Variants in XRCC6 observed in about 807,000 individuals in gnomAD.
The protein encoded by XRCC6 is DNA repair protein Ku70.
A neutral mutation model predicts 65.7 loss-of-function variants in XRCC6; 5 were observed. The observed-to-expected ratio is 0.08, with a 90% confidence interval of 0.04 to 0.16. The LOEUF is 0.16. Among genes scored for constraint, XRCC6 ranks in the 10% least tolerant of loss-of-function variants. XRCC6 has a pLI of 1.00. For missense variants in XRCC6, 447 were observed against 738.1 expected, an observed-to-expected ratio of 0.61 and a Z score of 4.57; for synonymous variants, 270 against 270.6, an observed-to-expected ratio of 1.00 and a Z score of 0.02.
chr22:41,630,408 C>T (rs1039908578), intron 3 of XRCC6, among the ~76,000 whole-genome samples: 2 of 151,830 alleles, frequency 1.3e-5, no homozygotes, highest in African/African-American at 4.8e-5. Context: ...CTATGCCTGG[C>T]ACATTGTGAA....
intron 2 of XRCC6, among the ~76,000 whole-genome samples, chr22:41,625,733 G>A (rs556748429): frequency 1.2e-3 from 190 of 152,290 alleles, no homozygotes; most frequent in African/African-American, 4.2e-3. Context: ...GGGAGGCCAC[G>A]GCAGAGGATC....
rs571783595 is a variant in XRCC6, at chr22:41,630,590, C to T, written c.195+2360C>T. Among the ~76,000 whole-genome samples, 1,091 of 150,126 alleles carry T rather than the reference C, an allele frequency of 7.3e-3. 19 individuals carry two copies. The highest frequency in any genetic ancestry group is 0.026 in the African/African-American group (1,044 of 40,698). On this transcript the variant is annotated intron_variant, in intron 3 of 12. Transcript: ENST00000360079. ...CATAGGACAATAGTGGAGGGAAGGT[C>T]AGCAGATAAACAAGTGAACAAAGGT...
chr22:41,661,542 C>A (rs978577672), intron 12 of XRCC6, 98 bp downstream of exon 12: 2 of 1,040,948 alleles, frequency 1.9e-6, no homozygotes, highest in Admixed American at 2.6e-5. Context: ...TATCTATTCA[C>A]AGTCTAGTTA....
chr22:41,638,157 A>G (rs1353093461), intron 6 of XRCC6, among the ~76,000 whole-genome samples: 1 of 152,100 alleles, frequency 6.6e-6, no homozygotes, highest in East Asian at 1.9e-4. Context: ...CTGGCATGAT[A>G]TTTCTCTAAA....
chr22:41,621,988 A>G lies in XRCC6; in HGVS notation c.-15-2A>G, dbSNP rs2067612474. 2 of 1,614,150 alleles carry G rather than the reference A, an allele frequency of 1.2e-6. No homozygotes were observed. The highest frequency in any genetic ancestry group is 8.5e-7 in the Non-Finnish European group (1 of 1,179,940). On this transcript the variant is annotated splice_acceptor_variant, in intron 1 of 12. Transcript: ENST00000360079. LOFTEE classifies it low-confidence loss of function (5UTR_SPLICE). ...TTACTGACGTTAACGTCTTTCGCCT[A>G]GTGAGCAGTAGCCAACATGTCAGGG...
intron 6 of XRCC6, among the ~76,000 whole-genome samples, chr22:41,638,436 A>G (rs985973235): frequency 6.6e-6 from 1 of 152,106 alleles, no homozygotes; most frequent in Non-Finnish European, 1.5e-5. Flanking sequence ...ACTGTAGGCA[A>G]TGGTAAGTAT....
chr22:41,643,681 C>T (rs904310689), intron 6 of XRCC6, among the ~76,000 whole-genome samples: 12 of 151,890 alleles, frequency 7.9e-5, no homozygotes, highest in Admixed American at 5.9e-4. Context: ...ATTAGCTGGG[C>T]GTGGTGGTGG....
intron 2 of XRCC6, among the ~76,000 whole-genome samples, chr22:41,627,147 GC>G (rs1417945405): frequency 4.6e-5 from 7 of 152,288 alleles, no homozygotes; most frequent in African/African-American, 9.6e-5. Flanking sequence ...AAGCATCTTG[GC>G]TCTTCAGAAG....
rs541803492 is a variant in XRCC6, at chr22:41,660,594, T to C, written c.1523-737T>C. Among the ~76,000 whole-genome samples, 126 of 152,220 alleles carry C rather than the reference T, an allele frequency of 8.3e-4. 2 individuals carry two copies. Among genetic ancestry groups the C allele is most frequent in the African/African-American group, 2.7e-3 (112 of 41,552 alleles). On this transcript the variant is annotated intron_variant, in intron 11 of 12. Transcript: ENST00000360079. Reference sequence around the variant, plus strand: ...TCCATGACCTCATCATACCCATCTTTCTCACCTCTCTGCTGGCCCTGTCCT... The same window carrying C: ...TCCATGACCTCATCATACCCATCTTCCTCACCTCTCTGCTGGCCCTGTCCT...
Position 41,637,769 on chromosome 22 carries a change from A to T in XRCC6, c.751A>T (p.Thr251Ser). The change falls in exon 6 of 13, where the codon ACC becomes TCC. Residue 251 changes from threonine (T) to serine (S), a missense_variant. This residue lies in a region of XRCC6 where 228 missense variants were observed against 307.4 expected (regional missense o/e 0.74). Coordinates refer to ENST00000360079, the MANE Select transcript of XRCC6 (RefSeq NM_001469.5). ...GTTGCGGAAGGTTCGCGCCAAGGAG[A>T]CCAGGAAGCGAGCACTCAGCAGGTG... ...DLLRKVRAKE[T>S]RKRALSRLKL... 3.1e-6 allele frequency: 5 copies of T among 1,613,910 alleles called. No individual in the cohort carries two copies. The highest frequency in any genetic ancestry group is 3.4e-6 in the Non-Finnish European group (4 of 1,179,928).
At chr22:41,652,248 CTT>C (rs2068006785) in intron 8 of XRCC6, among the ~76,000 whole-genome samples, 2 of 26,046 alleles carry the variant, frequency 7.7e-5, no homozygotes, top group Non-Finnish European at 3.6e-4. Flanking sequence ...TAGACCCTAT[CTT>C]CTTTTGTGCT....
chr22:41,637,285 A>G (rs1424701961), intron 5 of XRCC6, among the ~76,000 whole-genome samples: 1 of 152,026 alleles, frequency 6.6e-6, no homozygotes, highest in African/African-American at 2.4e-5. Context: ...GGGTTTCACC[A>G]CGTTGACCAG....
chr22:41,662,485 C>T (rs1258675923), intron 12 of XRCC6, among the ~76,000 whole-genome samples: 1 of 152,130 alleles, frequency 6.6e-6, no homozygotes, highest in East Asian at 1.9e-4. Context: ...TTTTGTTACT[C>T]AGCTATATAT....
At chr22:41,632,082 A>AGTCC (rs898537944) in intron 3 of XRCC6, among the ~76,000 whole-genome samples, 1 of 151,632 alleles carries the variant, frequency 6.6e-6, no homozygotes, top group African/African-American at 2.4e-5. Context: ...GCAGCAGTAC[A>AGTCC]GTCCAGCTTC....
At position 41,636,771 on chromosome 22, in the gene XRCC6, G is replaced by GTGGGCATATT. The variant is rs773130869; in HGVS notation, c.589+3_589+12dup. On this transcript the variant is annotated splice_donor_variant, in intron 5 of 12. Transcript: ENST00000360079. LOFTEE classifies it high-confidence loss of function. ...AAAGCCGGTGATCTCCGAGATACAGGTGGGCATATTTCCCCGTTCTCTTAA... is the reference window on the plus strand; with the variant it reads ...AAAGCCGGTGATCTCCGAGATACAGGTGGGCATATTTGGGCATATTTCCCCGTTCTCTTAA... The GTGGGCATATT allele has an allele frequency of 6.2e-7, 1 of 1,611,934 alleles. No individual in the cohort carries two copies. The highest frequency in any genetic ancestry group is 1.1e-5 in the South Asian group (1 of 90,610).
At chr22:41,626,374 C>A (rs929176025) in intron 2 of XRCC6, among the ~76,000 whole-genome samples, 1 of 152,170 alleles carries the variant, frequency 6.6e-6, no homozygotes, top group African/African-American at 2.4e-5. Flanking sequence ...ATCTCTTGTC[C>A]TCGTGATCCA....
chr22:41,626,726 C>A (rs991951743), intron 2 of XRCC6, among the ~76,000 whole-genome samples: 1 of 151,922 alleles, frequency 6.6e-6, no homozygotes, highest in Admixed American at 6.6e-5. Flanking sequence ...GAAGCTCCCC[C>A]TCCCGGGTTC....
At chr22:41,656,246 C>T (rs1410567750) in intron 9 of XRCC6, among the ~76,000 whole-genome samples, 1 of 145,982 alleles carries the variant, frequency 6.9e-6, no homozygotes, top group Non-Finnish European at 1.5e-5. Context: ...GAAGGCTGGG[C>T]GCGGTACCTC....
intron 2 of XRCC6, among the ~76,000 whole-genome samples, chr22:41,625,313 G>C (rs997964030): frequency 6.6e-6 from 1 of 152,124 alleles, no homozygotes; most frequent in Non-Finnish European, 1.5e-5. Context: ...TTCTCCAGGA[G>C]ACAGCTAATT....
Sources: allele counts gnomAD v4.1 joint callset (sites outside exome capture counted in the v4.1 genomes callset), GRCh38; gene constraint gnomAD v4.1.1; regional missense constraint gnomAD v4.1.1; transcripts MANE v1.5; gene names NCBI Gene and HGNC (gene_info 2026-07-23, HGNC 2026-07-21).